The following EPHB2 variants were observed in gnomAD, a reference collection of about 807,000 sequenced individuals.
EPHB2 encodes EPH receptor B2, also known as ephrin type-B receptor 2.
A neutral mutation model predicts 96.4 loss-of-function variants in EPHB2; 18 were observed. That is an observed-to-expected ratio of 0.19 (90% CI 0.13 to 0.28). The LOEUF (loss-of-function observed/expected upper bound fraction) is 0.28, where lower values mean the gene tolerates loss of function less well. Among genes scored for constraint, EPHB2 ranks in the 10% least tolerant of loss-of-function variants. EPHB2 has a pLI of 1.00. For missense variants in EPHB2, 989 were observed against 1,355.4 expected, an observed-to-expected ratio of 0.73 and a Z score of 4.25; for synonymous variants, 506 against 534.1, an observed-to-expected ratio of 0.95 and a Z score of 0.72.
rs1234400091 is a variant in EPHB2 at position 22,878,411 on chromosome 1, A to G, written c.1304-3948A>G. On this transcript the variant is annotated intron_variant, in intron 5 of 15. Transcript: ENST00000374630. ...CTGGGACAGGCACTCATTTAGTTGA[A>G]AAACAGTATGCTTCCTCCCATTAAG... 6.6e-5 allele frequency among the ~76,000 whole-genome samples: 10 copies of G among 152,326 alleles called. 1 individual carries two copies. The East Asian group carries it at 1.9e-3, about 29-fold the overall frequency.
intron 4 of EPHB2, among the ~76,000 whole-genome samples, chr1:22,863,993 G>A (rs1638370436): frequency 6.6e-6 from 1 of 151,428 alleles, no homozygotes; most frequent in Non-Finnish European, 1.5e-5. Context: ...CAAAGTGCTG[G>A]ATTACAGGCA....
chr1:22,848,427 A>G (rs1383619773), intron 3 of EPHB2, among the ~76,000 whole-genome samples: 3 of 152,192 alleles, frequency 2.0e-5, no homozygotes, highest in Non-Finnish European at 4.4e-5. Flanking sequence ...TGTGGAGCCC[A>G]AAACTAGCCC....
chr1:22,816,503 C>T (rs570026710), intron 3 of EPHB2, among the ~76,000 whole-genome samples: 2 of 152,286 alleles, frequency 1.3e-5, no homozygotes, highest in East Asian at 3.9e-4. Flanking sequence ...CTCAAACTTG[C>T]CCTTGCCATC....
intron 6 of EPHB2, chr1:22,882,871 G>C: frequency 3.1e-6 from 1 of 319,622 alleles, no homozygotes; most frequent in Admixed American, 4.3e-5. Flanking sequence ...TTCTTCGACA[G>C]AGATTTGAAA....
intron 1 of EPHB2, among the ~76,000 whole-genome samples, chr1:22,767,239 G>A (rs1270184533): frequency 6.6e-6 from 1 of 152,172 alleles, no homozygotes; most frequent in Non-Finnish European, 1.5e-5. Flanking sequence ...CCAGAGAAGG[G>A]GCATCTAACT....
At chr1:22,767,846 A>G (rs1354695389) in intron 1 of EPHB2, among the ~76,000 whole-genome samples, 1 of 152,218 alleles carries the variant, frequency 6.6e-6, no homozygotes, top group Non-Finnish European at 1.5e-5. Flanking sequence ...AATGGTGGGA[A>G]AGCAATGGTC....
intron 6 of EPHB2, among the ~76,000 whole-genome samples, chr1:22,885,781 G>T (rs952068506): frequency 1.3e-5 from 2 of 152,164 alleles, no homozygotes; most frequent in Non-Finnish European, 1.5e-5. Context: ...GGTGAGGGGG[G>T]TCAGGTGGTA....
intron 3 of EPHB2, among the ~76,000 whole-genome samples, chr1:22,811,852 A>G (rs1645006909): frequency 6.6e-6 from 1 of 152,014 alleles, no homozygotes. Flanking sequence ...CAGCCTGGGC[A>G]ACATAGTGAG....
intron 9 of EPHB2, among the ~76,000 whole-genome samples, chr1:22,897,091 C>G (rs1333709659): frequency 1.3e-5 from 2 of 152,164 alleles, no homozygotes. Flanking sequence ...CCTCTGGTGG[C>G]CTCTTCCCCT....
At chr1:22,879,527 G>A (rs1038624440) in intron 5 of EPHB2, among the ~76,000 whole-genome samples, 3 of 152,226 alleles carry the variant, frequency 2.0e-5, no homozygotes, top group Admixed American at 1.3e-4. Context: ...AAGGCAGGTG[G>A]GAAGTAGGAA....
At chr1:22,896,670 C>A (rs1055272022) in intron 9 of EPHB2, among the ~76,000 whole-genome samples, 192 bp downstream of exon 9, 2 of 152,200 alleles carry the variant, frequency 1.3e-5, no homozygotes, top group Non-Finnish European at 2.9e-5. Context: ...CAAGCGCTCT[C>A]CCCCTTTCCC....
At chr1:22,799,002 G>A (rs1293972772) in intron 3 of EPHB2, among the ~76,000 whole-genome samples, 3 of 152,104 alleles carry the variant, frequency 2.0e-5, no homozygotes, top group Non-Finnish European at 4.4e-5. Context: ...AAGCAAGTCC[G>A]AGCACACAGC....
At chr1:22,818,992 C>T (rs1645112780) in intron 3 of EPHB2, among the ~76,000 whole-genome samples, 1 of 151,866 alleles carries the variant, frequency 6.6e-6, no homozygotes, top group Non-Finnish European at 1.5e-5. Flanking sequence ...AGGCTCCCCC[C>T]TCCCAGGGGA....
intron 5 of EPHB2, among the ~76,000 whole-genome samples, chr1:22,869,196 C>G (rs140839363): frequency 4.5e-4 from 69 of 152,222 alleles, no homozygotes; most frequent in African/African-American, 1.5e-3. Context: ...CCCATTATCC[C>G]CCTTTGCCAG....
chr1:22,728,456 A>C (rs1643632251), intron 1 of EPHB2, among the ~76,000 whole-genome samples: 1 of 152,234 alleles, frequency 6.6e-6, no homozygotes, highest in Non-Finnish European at 1.5e-5. Flanking sequence ...TGGAACTGGG[A>C]TAGAAGCCCT....
At chr1:22,712,519 C>T (rs767889165) in intron 1 of EPHB2, among the ~76,000 whole-genome samples, 9 of 152,192 alleles carry the variant, frequency 5.9e-5, no homozygotes, top group Non-Finnish European at 1.2e-4. Context: ...TCGTGGGGGA[C>T]CCTGTGCTAC....
At chr1:22,891,501 A>G (rs1333903651) in intron 6 of EPHB2, among the ~76,000 whole-genome samples, 1 of 152,248 alleles carries the variant, frequency 6.6e-6, no homozygotes, top group Non-Finnish European at 1.5e-5. Flanking sequence ...AGCTCCCTGT[A>G]GAACCCCAGT....
chr1:22,904,292 C>CA (rs3053666), intron 9 of EPHB2, among the ~76,000 whole-genome samples: 3,220 of 129,950 alleles, frequency 0.025, 64 homozygotes, highest in African/African-American at 0.055. Context: ...GAACCTGTCT[C>CA]AAAAAAAAAA....
chr1:22,803,260 A>G (rs12564000), intron 3 of EPHB2, among the ~76,000 whole-genome samples: 25,543 of 152,122 alleles, frequency 0.17, 2,394 homozygotes, highest in South Asian at 0.29. Flanking sequence ...GAGGCTGCAC[A>G]GCTGCAGCCG....
Sources: allele counts gnomAD v4.1 joint callset (sites outside exome capture counted in the v4.1 genomes callset), GRCh38; gene constraint gnomAD v4.1.1; transcripts MANE v1.5; gene names NCBI Gene and HGNC (gene_info 2026-07-23, HGNC 2026-07-21).